The following DKK4 variants were observed in gnomAD, a reference collection of about 807,000 sequenced individuals.
DKK4 encodes dickkopf-related protein 4.
A neutral mutation model predicts 14.5 loss-of-function variants in DKK4; 15 were observed. The ratio of observed to expected loss-of-function variants is 1.03; its 90% confidence interval spans 0.69 to 1.59. The LOEUF (loss-of-function observed/expected upper bound fraction) is 1.59, where lower values mean the gene tolerates loss of function less well. Among genes scored for constraint, DKK4 ranks in the 40% most tolerant of loss-of-function variants. DKK4 has a pLI of 0.00. For synonymous variants in DKK4, 89 were observed against 105.2 expected (o/e 0.85, Z 0.94); for missense variants, 272 against 280.3 (o/e 0.97, Z 0.21).
At chr8:42,375,009 T>C in intron 2 of DKK4, 96 bp from the exon 3 acceptor site, 1 of 1,250,580 alleles carries the variant, frequency 8.0e-7, no homozygotes, top group Non-Finnish European at 1.1e-6. Context: ...TGGCAGCACC[T>C]CTGCCTTCAG....
intron 2 of DKK4, 76 bp downstream of exon 2, chr8:42,375,604 C>A: frequency 6.4e-7 from 1 of 1,566,960 alleles, no homozygotes; most frequent in South Asian, 1.2e-5. Context: ...AGAGTGCCTA[C>A]CCTGGAATAT....
chr8:42,380,796 GAAA>G (rs1295427591), upstream of DKK4, among the ~76,000 whole-genome samples: 3 of 116,328 alleles, frequency 2.6e-5, no homozygotes, highest in Non-Finnish European at 5.1e-5. Context: ...AAGGAAGAAA[GAAA>G]AAGAAAAGGA....
chr8:42,378,838 G>C (rs1006264452), upstream of DKK4, among the ~76,000 whole-genome samples: 2 of 151,564 alleles, frequency 1.3e-5, no homozygotes, highest in African/African-American at 2.4e-5. Context: ...CGGGCACAGT[G>C]GCTCACACCT....
chr8:42,384,132 C>CT, the DKK4 span, among the ~76,000 whole-genome samples: 4 of 152,082 alleles, frequency 2.6e-5, no homozygotes, highest in African/African-American at 7.2e-5. Flanking sequence ...GATCTGAGTC[C>CT]TAAGATGCAG....
At chr8:42,379,378 T>TATATAGAG (rs1166847600), upstream of DKK4, among the ~76,000 whole-genome samples, 18 of 34,556 alleles carry the variant, frequency 5.2e-4, no homozygotes, top group South Asian at 1.2e-3. Context: ...TATATATATA[T>TATATAGAG]AGAGAGAGAG....
chr8:42,377,056 C>T lies in DKK4; in HGVS notation c.-11G>A, dbSNP rs200470065. The stretch of plus-strand genomic sequence containing the variant: ...GACGGCCGCCACCATCCTTCAATCC[C>T]GGGGCTCCTGGAGGGTCCCAGCACT... On this transcript the variant is annotated 5_prime_UTR_variant, in exon 1 of 4. Coordinates refer to ENST00000220812, the MANE Select transcript of DKK4 (RefSeq NM_014420.3). The T allele has an allele frequency of 6.7e-5, 108 of 1,610,234 alleles. No individual in the cohort carries two copies. The African/African-American group carries it at 1.1e-3, about 16-fold the overall frequency.
the DKK4 span, among the ~76,000 whole-genome samples, chr8:42,390,592 T>C: frequency 7.3e-5 from 11 of 151,688 alleles, no homozygotes; most frequent in African/African-American, 2.4e-4. Flanking sequence ...CTCGATCTCC[T>C]GACCTCATGA....
Position 42,375,269 on chromosome 8 carries a change from G to A in DKK4, c.263-356C>T, listed in dbSNP as rs188702294. Reference sequence around the variant, plus strand: ...CATTAAGAAAAGGCAAGCCGGGTCCGGTGGCTTACGCTTGTAATCCCAGCA... The same window carrying A: ...CATTAAGAAAAGGCAAGCCGGGTCCAGTGGCTTACGCTTGTAATCCCAGCA... On this transcript the variant is annotated intron_variant, in intron 2 of 3. Coordinates refer to ENST00000220812, the MANE Select transcript of DKK4 (RefSeq NM_014420.3). Among the ~76,000 whole-genome samples, 36 of 152,250 alleles carry A rather than the reference G, an allele frequency of 2.4e-4. 1 individual carries two copies. The South Asian group carries it at 4.8e-3, about 20-fold the overall frequency.
At chr8:42,374,586 A>G (rs1177050825) in intron 3 of DKK4, among the ~76,000 whole-genome samples, 175 bp downstream of exon 3, 1 of 152,182 alleles carries the variant, frequency 6.6e-6, no homozygotes, top group African/African-American at 2.4e-5. Context: ...AGACTACCTT[A>G]GGCTACTCTC....
At chr8:42,385,572 T>C in the DKK4 span, among the ~76,000 whole-genome samples, 1 of 152,014 alleles carries the variant, frequency 6.6e-6, no homozygotes, top group African/African-American at 2.4e-5. Context: ...GGCCCCCCCA[T>C]ACCGCCACTG....
chr8:42,383,232 C>A, the DKK4 span, among the ~76,000 whole-genome samples: 6 of 152,192 alleles, frequency 3.9e-5, no homozygotes, highest in African/African-American at 1.4e-4. Flanking sequence ...AAGGCCAGCC[C>A]TCCACAAGGC....
the DKK4 span, among the ~76,000 whole-genome samples, chr8:42,384,533 C>T: frequency 1.3e-5 from 2 of 152,084 alleles, no homozygotes; most frequent in African/African-American, 2.4e-5. Flanking sequence ...TCTGGCTCAG[C>T]GGGTGTGATC....
the DKK4 span, among the ~76,000 whole-genome samples, chr8:42,384,035 C>T: frequency 6.6e-6 from 1 of 152,232 alleles, no homozygotes; most frequent in Admixed American, 6.5e-5. Flanking sequence ...TTCCTGGGCA[C>T]TATCCCGCTT....
chr8:42,381,937 C>T (rs961228744), upstream of DKK4, among the ~76,000 whole-genome samples: 6 of 152,184 alleles, frequency 3.9e-5, no homozygotes, highest in Admixed American at 3.9e-4. Context: ...GCAGAGGTTG[C>T]AGTGAGCCAA....
In DKK4 at chr8:42,374,270, C is replaced by T. The variant is rs1431607345; in HGVS notation, c.505G>A (p.Val169Ile). The T allele has an allele frequency of 1.2e-6, 2 of 1,612,106 alleles. No individual in the cohort carries two copies. Among genetic ancestry groups the T allele is most frequent in the Admixed American group, 3.3e-5 (2 of 59,878 alleles). ...GAGCAGACCTGTCCCTCCAAAAGGA[C>T]TGGCTTACAAATTTTCGTCCAAAAA... Reference protein sequence around the residue: ...RHFWTKICKPVLLEGQVCSRR... With the variant: ...RHFWTKICKPILLEGQVCSRR... Residue 169 changes from valine to isoleucine, a missense_variant, in exon 4 of 4, where the codon GTC (valine) becomes ATC (isoleucine). Transcript: ENST00000220812.
At chr8:42,386,230 T>C in the DKK4 span, among the ~76,000 whole-genome samples, 2 of 152,068 alleles carry the variant, frequency 1.3e-5, no homozygotes, top group African/African-American at 4.8e-5. Flanking sequence ...GCTGGGGATA[T>C]AGGTGTGCAC....
At chr8:42,377,344 T>TA (rs1466962720), upstream of DKK4, 1 of 317,334 alleles carries the variant, frequency 3.2e-6, no homozygotes, top group African/African-American at 2.1e-5. Flanking sequence ...GTTTGATCAA[T>TA]AGTTCAAAAC....
chr8:42,374,486 G>C lies in DKK4; in HGVS notation c.416-127C>G. On this transcript the variant is annotated intron_variant, in intron 3 of 3. Transcript: ENST00000220812. ...AAAGTAAAAACAGACACAGCACGCA[G>C]GTCTCACAGAGCTAGGTGTTACGCT... The C allele has an allele frequency of 2.3e-6, 3 of 1,285,440 alleles. No individual in the cohort carries two copies. The South Asian group carries it at 3.9e-5, about 17-fold the overall frequency. 79.6% of individuals were successfully genotyped at this position (1,285,440 alleles called of 1,614,324 possible).
chr8:42,379,422 GAGAGAA>G (rs1176884495), upstream of DKK4, among the ~76,000 whole-genome samples: 73 of 119,036 alleles, frequency 6.1e-4, 2 homozygotes, highest in Non-Finnish European at 8.8e-4. Context: ...GAGAGAGAGA[GAGAGAA>G]AGATTCAGAC....
Sources: gnomAD v4.1 joint callset for allele counts (sites outside exome capture counted in the v4.1 genomes callset) on GRCh38, gnomAD v4.1.1 for gene constraint, MANE v1.5 for transcripts, NCBI Gene and HGNC (gene_info 2026-07-23, HGNC 2026-07-21) for gene names.